The following IMMP2L variants were observed in gnomAD, a reference collection of about 807,000 sequenced individuals.
IMMP2L encodes mitochondrial inner membrane protease subunit 2.
A neutral mutation model predicts 19.3 loss-of-function variants in IMMP2L; 18 were observed. The ratio of observed to expected loss-of-function variants is 0.93; its 90% CI spans 0.64 to 1.38. IMMP2L has a LOEUF of 1.38. IMMP2L is among the 40% of genes most tolerant of loss of function. The pLI is 0.00. For missense variants in IMMP2L, 233 were observed against 218.2 expected (o/e 1.07, Z -0.43); for synonymous variants, 76 against 73.0 (o/e 1.04, Z -0.21).
chr7:110,863,660 A>G (rs1220082030), intron 5 of IMMP2L, among the ~76,000 whole-genome samples: 1 of 152,152 alleles, frequency 6.6e-6, no homozygotes, highest in Admixed American at 6.6e-5. Flanking sequence ...AGTTAAAACA[A>G]ACTGGTACTC....
At chr7:110,802,056 C>A (rs1353955905) in intron 5 of IMMP2L, among the ~76,000 whole-genome samples, 1 of 152,010 alleles carries the variant, frequency 6.6e-6, no homozygotes. Flanking sequence ...CCCTTTACAA[C>A]ATATATTCTT....
chr7:110,696,805 CAA>C (rs1440401978), intron 5 of IMMP2L, among the ~76,000 whole-genome samples: 1 of 151,930 alleles, frequency 6.6e-6, no homozygotes, highest in Non-Finnish European at 1.5e-5. Context: ...AAGTAGAAGA[CAA>C]AGAGAATAAG....
chr7:111,071,733 A>G (rs1032423335), intron 3 of IMMP2L, among the ~76,000 whole-genome samples: 2 of 152,168 alleles, frequency 1.3e-5, no homozygotes, highest in Non-Finnish European at 2.9e-5. Context: ...GGGGAAAGGG[A>G]GAACAGGAAA....
intron 4 of IMMP2L, among the ~76,000 whole-genome samples, chr7:110,957,901 C>T (rs960034957): frequency 1.3e-5 from 2 of 151,896 alleles, no homozygotes; most frequent in African/African-American, 4.8e-5. Flanking sequence ...GCACTTCTTA[C>T]CCATGACATT....
intron 1 of IMMP2L, among the ~76,000 whole-genome samples, chr7:111,550,296 T>C (rs1432844198): frequency 1.7e-4 from 26 of 152,034 alleles, no homozygotes; most frequent in Admixed American, 1.5e-3. Flanking sequence ...TACCAGGGGT[T>C]AGGAGAAGGG....
intron 4 of IMMP2L, among the ~76,000 whole-genome samples, chr7:110,941,210 T>C (rs1014077716): frequency 7.2e-5 from 11 of 152,178 alleles, no homozygotes; most frequent in Non-Finnish European, 1.5e-4. Context: ...AAACATCCCA[T>C]ATTCAGGGAT....
intron 5 of IMMP2L, among the ~76,000 whole-genome samples, chr7:110,830,944 T>TCA (rs1430106980): frequency 1.3e-5 from 2 of 152,106 alleles, no homozygotes; most frequent in African/African-American, 4.8e-5. Context: ...GTCTATTACC[T>TCA]CACAGTTCAG....
At chr7:111,120,937 C>CAAA (rs545042207) in intron 3 of IMMP2L, among the ~76,000 whole-genome samples, 4 of 131,998 alleles carry the variant, frequency 3.0e-5, no homozygotes, top group African/African-American at 8.0e-5. Flanking sequence ...CTCTAACAGG[C>CAAA]AAAAAAAAAA....
chr7:111,353,667 G>A (rs551718536), intron 3 of IMMP2L, among the ~76,000 whole-genome samples: 64 of 152,120 alleles, frequency 4.2e-4, no homozygotes, highest in African/African-American at 5.8e-4. Flanking sequence ...ATAAGGTTCC[G>A]TCCAGTTCAG....
chr7:111,461,855 C>G (rs554727229), intron 3 of IMMP2L, among the ~76,000 whole-genome samples: 3 of 152,104 alleles, frequency 2.0e-5, no homozygotes, highest in South Asian at 4.1e-4. Context: ...CTTGCAACGT[C>G]ACAGCATTCC....
intron 3 of IMMP2L, among the ~76,000 whole-genome samples, chr7:111,482,509 C>T (rs1842279607): frequency 6.6e-6 from 1 of 152,054 alleles, no homozygotes; most frequent in Non-Finnish European, 1.5e-5. Context: ...TAAACTGTGG[C>T]CATTTCTCCC....
intron 3 of IMMP2L, among the ~76,000 whole-genome samples, chr7:111,396,751 G>A (rs1355608285): frequency 6.6e-6 from 1 of 152,124 alleles, no homozygotes; most frequent in Non-Finnish European, 1.5e-5. Context: ...ATGCTAGTCT[G>A]TAGTTTGTAA....
intron 2 of IMMP2L, among the ~76,000 whole-genome samples, chr7:111,502,771 A>G (rs1479195467): frequency 6.6e-5 from 10 of 150,878 alleles, no homozygotes; most frequent in African/African-American, 2.2e-4. Flanking sequence ...TTTGAAACCA[A>G]CGAGAACAAA....
chr7:110,859,749 C>CAAA (rs35255934), intron 5 of IMMP2L, among the ~76,000 whole-genome samples: 1 of 92,856 alleles, frequency 1.1e-5, no homozygotes, highest in Non-Finnish European at 2.3e-5. Context: ...GACCCTGTCT[C>CAAA]AAAAAAAAAA....
chr7:110,897,731 C>T (rs1162919607), intron 4 of IMMP2L, among the ~76,000 whole-genome samples: 1 of 151,954 alleles, frequency 6.6e-6, no homozygotes, highest in African/African-American at 2.4e-5. Flanking sequence ...ATGTCCATAC[C>T]ATGGAATGCT....
intron 3 of IMMP2L, among the ~76,000 whole-genome samples, chr7:111,420,262 T>C (rs944864840): frequency 1.3e-5 from 2 of 151,742 alleles, no homozygotes; most frequent in African/African-American, 4.9e-5. Flanking sequence ...AGAAAAGAAA[T>C]CAAGTTTTCT....
intron 5 of IMMP2L, among the ~76,000 whole-genome samples, chr7:110,826,487 C>T (rs190239577): frequency 6.6e-6 from 1 of 152,072 alleles, no homozygotes; most frequent in South Asian, 2.1e-4. Flanking sequence ...CACATATACA[C>T]CATGGAATAC....
At chr7:111,348,628 G>A (rs187584098) in intron 3 of IMMP2L, among the ~76,000 whole-genome samples, 2 of 152,174 alleles carry the variant, frequency 1.3e-5, no homozygotes, top group South Asian at 2.1e-4. Context: ...TCTGCCCTAC[G>A]AATAAGATCA....
chr7:111,140,389 C>T (rs1423918192), intron 3 of IMMP2L, among the ~76,000 whole-genome samples: 1 of 152,120 alleles, frequency 6.6e-6, no homozygotes, highest in Non-Finnish European at 1.5e-5. Context: ...TGGACAAGAT[C>T]ATGTCTTCCT....
Sources: gnomAD v4.1 joint callset for allele counts (sites outside exome capture counted in the v4.1 genomes callset) on GRCh38, gnomAD v4.1.1 for gene constraint, MANE v1.5 for transcripts, NCBI Gene and HGNC (gene_info 2026-07-23, HGNC 2026-07-21) for gene names.